HYLS1: variants seen among roughly 807,000 people sequenced by gnomAD.
HYLS1 encodes the protein HYLS1 centriolar and ciliogenesis associated.
A neutral mutation model predicts 29.4 loss-of-function variants in HYLS1; 25 were observed. The ratio of observed to expected loss-of-function variants is 0.85; its 90% CI spans 0.62 to 1.19. The LOEUF (loss-of-function observed/expected upper bound fraction) is 1.19, where lower values mean the gene tolerates loss of function less well. Ranked by LOEUF, HYLS1 falls within the 50% of genes most tolerant of loss-of-function variation. The pLI, the probability that HYLS1 is intolerant of heterozygous loss-of-function variation, is 0.00. For missense variants in HYLS1, 352 were observed against 365.1 expected (o/e 0.96, Z 0.29); for synonymous variants, 128 against 126.7 (o/e 1.01, Z -0.07).
intron 1 of HYLS1, among the ~76,000 whole-genome samples, chr11:125,890,845 A>C (rs893414300): frequency 6.6e-6 from 1 of 152,124 alleles, no homozygotes; most frequent in African/African-American, 2.4e-5. Flanking sequence ...TCATCTTCAT[A>C]TGTTCAAGGA....
At chr11:125,885,656 T>C (rs1307700505), upstream of HYLS1, among the ~76,000 whole-genome samples, 3 of 152,300 alleles carry the variant, frequency 2.0e-5, no homozygotes, top group East Asian at 3.9e-4. Context: ...AAAGAATATA[T>C]GCACTAAAAC....
chr11:125,899,064 C>G, intron 2 of HYLS1: 1 of 341,670 alleles, frequency 2.9e-6, no homozygotes. Flanking sequence ...CATGTAGTTT[C>G]AAGCTTTTCT....
rs200257926 is a variant in HYLS1 at position 125,899,422 on chromosome 11, A to G, written c.54A>G (p.Glu18=). The G allele has an allele frequency of 3.7e-6, 6 of 1,614,234 alleles. No individual in the cohort carries two copies. The East Asian group carries it at 1.3e-4, about 36-fold the overall frequency. The change falls in exon 3 of 3, where the codon GAA becomes GAG. Residue 18 remains glutamate (E), a synonymous_variant. Transcript: ENST00000425380. ...TATGGGCTAATATGGATCCAGAAGA[A>G]CGAATGTTGGCAGCTGCTACAGCTT... The part of the protein sequence containing the change: ...GQIWANMDPE[E]RMLAAATAFT...
Position 125,899,392 on chromosome 11 carries a change from A to C in HYLS1, c.24A>C (p.Gly8=). The change falls in exon 3 of 3, where the codon GGA becomes GGC. Residue 8 remains glycine, a synonymous_variant. Coordinates refer to ENST00000425380, the MANE Select transcript of HYLS1 (RefSeq NM_001134793.2). ...CAATGGAAGAACTTCTACCTGATGG[A>C]CAAATATGGGCTAATATGGATCCAG... MEELLPD[G]QIWANMDPEE... 3 of 1,614,152 alleles carry C rather than the reference A, an allele frequency of 1.9e-6. No individual in the cohort carries two copies. The highest frequency in any genetic ancestry group is 2.5e-6 in the Non-Finnish European group (3 of 1,180,010).
In HYLS1 at chr11:125,900,131, C is replaced by T; in HGVS notation, c.763C>T (p.Pro255Ser). Reference sequence around the variant, plus strand: ...TTGTCGAGCAGAACCCCAATCCAAACCTCAGCATATATATGTCCCAAACAA... The same window carrying T: ...TTGTCGAGCAGAACCCCAATCCAAATCTCAGCATATATATGTCCCAAACAA... ...MLCRAEPQSK[P>S]QHIYVPNNYL... The change falls in exon 3 of 3, where the codon CCT (proline) becomes TCT (serine). Residue 255 changes from proline (P) to serine (S), a missense_variant. By Grantham distance (74) the Pro-to-Ser change is moderately conservative (BLOSUM62 -1). Transcript: ENST00000425380. 1 of 1,614,134 alleles carries T rather than the reference C, an allele frequency of 6.2e-7. No individual in the cohort carries two copies. The highest frequency in any genetic ancestry group is 1.1e-5 in the South Asian group (1 of 91,074).
In HYLS1 at chr11:125,896,426, T is replaced by C. The variant is rs1034955514; in HGVS notation, c.-25-2918T>C. ...GATTTAATTTAATGCCCAAAGAATA[T>C]ACTTTTGCTTTTCCAGGAATACAAG... On this transcript the variant is annotated intron_variant, in intron 2 of 2. Coordinates refer to ENST00000425380, the MANE Select transcript of HYLS1 (RefSeq NM_001134793.2). 6.9e-6 allele frequency: 6 copies of C among 870,346 alleles called. No individual in the cohort carries two copies. In the African/African-American group the frequency reaches 9.9e-5, roughly 14 times the overall value. The allele number at this position is 870,346 out of a possible 1,614,324, so 53.9% of individuals were successfully genotyped here. A position where few individuals can be genotyped will look rare whatever the true frequency, so the allele number is the denominator to read the frequency against.
At chr11:125,887,467 C>T (rs1336293189), upstream of HYLS1, 2 of 152,332 alleles carry the variant, frequency 1.3e-5, no homozygotes, top group African/African-American at 4.8e-5. Context: ...ATTTTTAAGG[C>T]CACATTGGAA....
At chr11:125,897,995 C>T (rs758350137) in intron 2 of HYLS1, among the ~76,000 whole-genome samples, 16 of 152,152 alleles carry the variant, frequency 1.1e-4, no homozygotes, top group African/African-American at 2.2e-4. Context: ...TGGAATTCCG[C>T]GCAACATAAA....
intron 2 of HYLS1, chr11:125,895,839 G>C: frequency 6.3e-7 from 1 of 1,581,750 alleles, no homozygotes; most frequent in Non-Finnish European, 8.6e-7. Context: ...AATAATCTCA[G>C]TACTCAGTGT....
intron 2 of HYLS1, among the ~76,000 whole-genome samples, chr11:125,897,622 T>G (rs557733270): frequency 1.3e-5 from 2 of 152,092 alleles, no homozygotes; most frequent in African/African-American, 4.8e-5. Context: ...AAAAAAAATT[T>G]TAAATGCTCA....
At chr11:125,892,953 A>C (rs905134582) in intron 2 of HYLS1, among the ~76,000 whole-genome samples, 1 of 152,248 alleles carries the variant, frequency 6.6e-6, no homozygotes, top group South Asian at 2.1e-4. Flanking sequence ...GCCTGAATGC[A>C]TATGTTGTCA....
chr11:125,892,774 A>G (rs1944448363), intron 2 of HYLS1, among the ~76,000 whole-genome samples: 1 of 152,088 alleles, frequency 6.6e-6, no homozygotes, highest in African/African-American at 2.4e-5. Flanking sequence ...TCCACAGAAT[A>G]CTCAGAGCAA....
rs374044643 is a variant in HYLS1 at position 125,893,827 on chromosome 11, C to T, written c.-26+2355C>T. 13 of 1,613,684 alleles carry T rather than the reference C, an allele frequency of 8.1e-6. No homozygotes were observed. The highest frequency in any genetic ancestry group is 4.5e-5 in the East Asian group (2 of 44,882). ...TTTCTGTGTCAACACAGACCCTCTT[C>T]GTTGGTGTCTCCAAATTAGTATTCT... is the stretch of plus-strand genomic sequence containing the variant. On this transcript the variant is annotated intron_variant, in intron 2 of 2. Coordinates refer to ENST00000425380, the MANE Select transcript of HYLS1 (RefSeq NM_001134793.2).
chr11:125,887,053 T>G (rs1591491148), upstream of HYLS1: 1 of 152,184 alleles, frequency 6.6e-6, no homozygotes, highest in Non-Finnish European at 1.5e-5. Context: ...GGAGGAGCTG[T>G]GGAGACGCAG....
intron 2 of HYLS1, among the ~76,000 whole-genome samples, chr11:125,891,739 C>T (rs539787721): frequency 6.6e-6 from 1 of 152,068 alleles, no homozygotes; most frequent in Non-Finnish European, 1.5e-5. Flanking sequence ...CACTAATTCC[C>T]CATCTCTAAA....
At chr11:125,885,964 G>C (rs1944298309), upstream of HYLS1, among the ~76,000 whole-genome samples, 1 of 152,128 alleles carries the variant, frequency 6.6e-6, no homozygotes, top group Admixed American at 6.5e-5. Flanking sequence ...AGAAAAACAA[G>C]CTCAGGGCTC....
At chr11:125,890,312 C>T (rs1489992548) in intron 1 of HYLS1, among the ~76,000 whole-genome samples, 1 of 152,154 alleles carries the variant, frequency 6.6e-6, no homozygotes, top group Non-Finnish European at 1.5e-5. Context: ...ATAATGTGTA[C>T]CCTTTAATAG....
chr11:125,888,313 A>G (rs1944346427), intron 1 of HYLS1: 7 of 152,244 alleles, frequency 4.6e-5, no homozygotes, highest in Admixed American at 4.6e-4. Flanking sequence ...ACAGTATACA[A>G]TCTCACTAAG....
chr11:125,891,993 A>G (rs1355177796), intron 2 of HYLS1, among the ~76,000 whole-genome samples: 1 of 152,192 alleles, frequency 6.6e-6, no homozygotes, highest in East Asian at 1.9e-4. Flanking sequence ...CAGCTTGAGG[A>G]TAGAAAACAT....
Sources: allele counts gnomAD v4.1 joint callset (sites outside exome capture counted in the v4.1 genomes callset), GRCh38; gene constraint gnomAD v4.1.1; transcripts MANE v1.5; gene names NCBI Gene and HGNC (gene_info 2026-07-23, HGNC 2026-07-21).